The following RRP1B variants were observed in gnomAD, a reference collection of about 807,000 sequenced individuals.
RRP1B encodes the protein ribosomal RNA processing protein 1 homolog B.
A neutral mutation model predicts 80.2 loss-of-function variants in RRP1B; 56 were observed. The observed-to-expected ratio is 0.70, with a 90% CI of 0.56 to 0.87. The LOEUF is 0.87. Among genes scored for constraint, RRP1B ranks in the 40% least tolerant of loss-of-function variants. The pLI is 0.00. For synonymous variants in RRP1B, 351 were observed against 357.6 expected, an observed-to-expected ratio of 0.98 and a Z score of 0.21; for missense variants, 807 against 939.8, an observed-to-expected ratio of 0.86 and a Z score of 1.85.
At position 43,690,381 on chromosome 21, in the gene RRP1B, C is replaced by G; in HGVS notation, c.1960C>G (p.Leu654Val). 1 of 1,614,244 alleles carries G rather than the reference C, an allele frequency of 6.2e-7. No homozygotes were observed. The change falls in exon 14 of 16, where the codon CTG becomes GTG. Residue 654 changes from leucine (L) to valine (V), a missense_variant. Transcript: ENST00000340648. ...KFDTPFLPKP[L>V]FFRRAKSSTA... The stretch of plus-strand genomic sequence containing the variant: ...TGACACCCCCTTCTTACCAAAGCCC[C>G]TGTTCTTCAGAAGAGCCAAGAGCAG...
At chr21:43,681,821 C>T (rs1338545288) in intron 8 of RRP1B, among the ~76,000 whole-genome samples, 1 of 151,816 alleles carries the variant, frequency 6.6e-6, no homozygotes, top group Non-Finnish European at 1.5e-5. Context: ...CGTGATGGCA[C>T]ATGCCTGTGG....
chr21:43,682,083 A>G (rs2083045750), intron 8 of RRP1B, among the ~76,000 whole-genome samples: 1 of 152,260 alleles, frequency 6.6e-6, no homozygotes, highest in Non-Finnish European at 1.5e-5. Flanking sequence ...CTTGGGCAAC[A>G]TAATGAGACC....
At chr21:43,675,753 G>A (rs978508747) in intron 6 of RRP1B, among the ~76,000 whole-genome samples, 3 of 152,134 alleles carry the variant, frequency 2.0e-5, no homozygotes, top group Non-Finnish European at 4.4e-5. Context: ...TGTCCAGCCC[G>A]CAGCCTGAGA....
chr21:43,684,524 A>T (rs1156508270), intron 9 of RRP1B, 29 bp from the exon 10 acceptor site: 1 of 1,595,310 alleles, frequency 6.3e-7, no homozygotes, highest in Admixed American at 1.7e-5. Context: ...TTGGCTGCAG[A>T]CTTATGTTTA....
intron 8 of RRP1B, among the ~76,000 whole-genome samples, chr21:43,680,677 C>A (rs2147170715): frequency 6.6e-6 from 1 of 152,276 alleles, no homozygotes; most frequent in South Asian, 2.1e-4. Context: ...CCTCGCACTT[C>A]AGCCTCCCAA....
At chr21:43,683,528 C>T (rs2083051539) in intron 9 of RRP1B, among the ~76,000 whole-genome samples, 155 bp downstream of exon 9, 1 of 152,120 alleles carries the variant, frequency 6.6e-6, no homozygotes, top group South Asian at 2.1e-4. Flanking sequence ...GAAGAATAAC[C>T]TTATTGGAGA....
intron 3 of RRP1B, among the ~76,000 whole-genome samples, chr21:43,673,399 C>T (rs539361549): frequency 2.6e-5 from 4 of 152,132 alleles, no homozygotes; most frequent in East Asian, 3.9e-4. Flanking sequence ...TTTGGGAGGC[C>T]GAGGTGGGTG....
At chr21:43,670,535 C>A (rs1349217835) in intron 2 of RRP1B, among the ~76,000 whole-genome samples, 2 of 152,234 alleles carry the variant, frequency 1.3e-5, no homozygotes, top group African/African-American at 4.8e-5. Context: ...TTTTTAAAAG[C>A]TTTGTTCTGA....
intron 1 of RRP1B, among the ~76,000 whole-genome samples, chr21:43,667,703 C>T (rs911791130): frequency 7.9e-5 from 12 of 152,190 alleles, no homozygotes; most frequent in African/African-American, 2.2e-4. Flanking sequence ...CAATCATGAC[C>T]GCAGTTGGCT....
rs765831590 is a variant in RRP1B at position 43,693,243 on chromosome 21, G to T, written c.2137G>T (p.Val713Leu). The change falls in exon 16 of 16, where the codon GTG becomes TTG. Residue 713 changes from valine to leucine, a missense_variant. Coordinates refer to ENST00000340648, the MANE Select transcript of RRP1B (RefSeq NM_015056.3). The surrounding 1 kb of genome is among the most constrained non-coding windows in gnomAD (Gnocchi z 4.1). ...GGTCAGTCCCACGGGCCCTTCTCGA[G>T]TGGCCTTCGACCCTGAACAGAAGCC... ...ILVSPTGPSR[V>L]AFDPEQKPLH... The T allele has an allele frequency of 6.2e-7, 1 of 1,614,078 alleles. No homozygotes were observed. The highest frequency in any genetic ancestry group is 8.5e-7 in the Non-Finnish European group (1 of 1,180,028).
At position 43,688,034 on chromosome 21, in the gene RRP1B, C is replaced by T. The variant is rs753324713; in HGVS notation, c.1660C>T (p.Pro554Ser). Reference protein sequence around the residue: ...PLQQEGPPTGPAEGANSHTTL... With the variant: ...PLQQEGPPTGSAEGANSHTTL... ...GCAGCAGGAAGGCCCTCCCACAGGC[C>T]CCGCAGAGGGGGCGAACAGCCACAC... The change falls in exon 13 of 16, where the codon CCC becomes TCC. Residue 554 changes from proline (P) to serine (S), a missense_variant. Transcript: ENST00000340648. The T allele has an allele frequency of 6.2e-7, 1 of 1,612,170 alleles. No individual in the cohort carries two copies. The highest frequency in any genetic ancestry group is 1.1e-5 in the South Asian group (1 of 91,076).
At chr21:43,666,470 G>T (rs1369629807) in intron 1 of RRP1B, among the ~76,000 whole-genome samples, 1 of 152,234 alleles carries the variant, frequency 6.6e-6, no homozygotes, top group African/African-American at 2.4e-5. Context: ...TGTAATCCCA[G>T]CACTATGGGA....
rs753953445 is a variant in RRP1B, at chr21:43,676,873, A to T, written c.755A>T (p.Asn252Ile). 7 of 1,614,204 alleles carry T rather than the reference A, an allele frequency of 4.3e-6. 1 individual carries two copies. The South Asian group carries it at 7.7e-5, about 18-fold the overall frequency. ...GDLSAEEIPENEVSLRRAVSK... is the reference protein window; with the variant it reads ...GDLSAEEIPEIEVSLRRAVSK... ...CTCTCTGCTGAGGAGATACCTGAAAATGAGGTATCCTTGAGAAGAGCTGTC... is the reference window on the plus strand; with the variant it reads ...CTCTCTGCTGAGGAGATACCTGAAATTGAGGTATCCTTGAGAAGAGCTGTC... Residue 252 changes from asparagine (N) to isoleucine (I), a missense_variant, in exon 8 of 16, where the codon AAT becomes ATT. Coordinates refer to ENST00000340648, the MANE Select transcript of RRP1B (RefSeq NM_015056.3).
chr21:43,688,327 G>T (rs1208167316), intron 13 of RRP1B, 87 bp downstream of exon 13: 3 of 1,435,774 alleles, frequency 2.1e-6, no homozygotes, highest in East Asian at 5.0e-5. Context: ...GAGGAAGGGT[G>T]GGGGCTGGCG....
At chr21:43,677,924 G>A (rs1191393647) in intron 8 of RRP1B, among the ~76,000 whole-genome samples, 4 of 152,214 alleles carry the variant, frequency 2.6e-5, no homozygotes, top group African/African-American at 9.7e-5. Flanking sequence ...ATTCAGGCCG[G>A]TTCCATGTTT....
chr21:43,670,066 C>A, intron 2 of RRP1B, 100 bp downstream of exon 2: 1 of 711,116 alleles, frequency 1.4e-6, no homozygotes, highest in South Asian at 2.6e-5. Flanking sequence ...CACTGACGCA[C>A]ACTGACAGTC....
chr21:43,687,064 T>C (rs2083066009), intron 12 of RRP1B, 129 bp downstream of exon 12: 1 of 1,077,870 alleles, frequency 9.3e-7, no homozygotes, highest in Admixed American at 2.6e-5. Flanking sequence ...CAGTCTTTAA[T>C]GGCTGAGAGG....
At position 43,676,859 on chromosome 21, in the gene RRP1B, G is replaced by A. The variant is rs2083024886; in HGVS notation, c.741G>A (p.Glu247=). The part of the protein sequence containing the change: ...TKVGDGDLSA[E]EIPENEVSLR... The stretch of plus-strand genomic sequence containing the variant: ...TGGGTGATGGTGACCTCTCTGCTGA[G>A]GAGATACCTGAAAATGAGGTATCCT... Residue 247 remains glutamate, a synonymous_variant, in exon 8 of 16, where the codon GAG becomes GAA. Coordinates refer to ENST00000340648, the MANE Select transcript of RRP1B (RefSeq NM_015056.3). The A allele has an allele frequency of 1.2e-6, 2 of 1,614,112 alleles. No individual in the cohort carries two copies. Among genetic ancestry groups the A allele is most frequent in the Admixed American group, 1.7e-5 (1 of 60,010 alleles).
At position 43,691,335 on chromosome 21, in the gene RRP1B, T is replaced by G. The variant is rs895518193; in HGVS notation, c.2020-104T>G. ...ATATGTGCCACTCAGTAAGCAGCAG[T>G]GTGGGCGGCATACCCTCCAGGGCAG... On this transcript the variant is annotated intron_variant, in intron 14 of 15. Coordinates refer to ENST00000340648, the MANE Select transcript of RRP1B (RefSeq NM_015056.3). The surrounding 1 kb of genome is among the most constrained non-coding windows in gnomAD (Gnocchi z 4.2). The G allele has an allele frequency of 1.0e-5, 10 of 999,372 alleles. No individual in the cohort carries two copies. The highest frequency in any genetic ancestry group is 1.6e-5 in the African/African-American group (1 of 62,942). The allele number at this position is 999,372 out of a possible 1,614,324, so 61.9% of individuals were successfully genotyped here.
Sources: allele counts gnomAD v4.1 joint callset (sites outside exome capture counted in the v4.1 genomes callset), GRCh38; gene constraint gnomAD v4.1.1; non-coding constraint Gnocchi (gnomAD v3.1); transcripts MANE v1.5; gene names NCBI Gene and HGNC (gene_info 2026-07-23, HGNC 2026-07-21).